CEP83: variants seen among roughly 807,000 people sequenced by gnomAD.
CEP83 encodes centrosomal protein 83.
In CEP83, 70 loss-of-function variants were observed where a neutral mutation model predicts 101.9. That is an observed-to-expected ratio of 0.69 (90% confidence interval 0.57 to 0.84). CEP83 has a LOEUF of 0.84. Among genes scored for constraint, CEP83 ranks in the 40% least tolerant of loss-of-function variants. The pLI, the probability that CEP83 is intolerant of heterozygous loss-of-function variation, is 0.00. For synonymous variants in CEP83, 264 were observed against 267.9 expected (o/e 0.99, Z 0.14); for missense variants, 715 against 787.2 (o/e 0.91, Z 1.10).
intron 2 of CEP83, among the ~76,000 whole-genome samples, chr12:94,426,087 A>G (rs541781534): frequency 2.1e-4 from 32 of 151,358 alleles, no homozygotes; most frequent in African/African-American, 7.3e-4. Context: ...ACACCACTGC[A>G]CTCCAGCCTG....
chr12:94,377,307 C>A lies in CEP83; in HGVS notation c.802-1290G>T, dbSNP rs117672206. Among the ~76,000 whole-genome samples the A allele has an allele frequency of 1.7e-3, 259 of 152,260 alleles. 1 individual carries two copies. The East Asian group carries it at 0.027, about 16-fold the overall frequency. ...GTTATTTACCCTCATGACCACATGA[C>A]TGACTGGGAACTGTGGCTCAGTGCA... On this transcript the variant is annotated intron_variant, in intron 7 of 16. Transcript: ENST00000397809.
chr12:94,339,401 T>A (rs1459731498), intron 11 of CEP83, among the ~76,000 whole-genome samples: 1 of 152,172 alleles, frequency 6.6e-6, no homozygotes, highest in Non-Finnish European at 1.5e-5. Context: ...TATTCTACAA[T>A]CTGTGCCTTC....
chr12:94,403,863 G>A (rs1216469810), intron 4 of CEP83, among the ~76,000 whole-genome samples: 2 of 143,256 alleles, frequency 1.4e-5, no homozygotes, highest in African/African-American at 5.2e-5. Context: ...GAATGAAGGA[G>A]GAACAAATAC....
At chr12:94,436,304 G>C (rs1011207353) in intron 1 of CEP83, among the ~76,000 whole-genome samples, 26 of 150,846 alleles carry the variant, frequency 1.7e-4, no homozygotes, top group Middle Eastern at 3.4e-3. Flanking sequence ...CTAGAGAAAA[G>C]TGAAAAACAA....
chr12:94,340,024 G>A (rs2059611621), intron 11 of CEP83, among the ~76,000 whole-genome samples: 1 of 152,084 alleles, frequency 6.6e-6, no homozygotes. Context: ...TAGAAAGGTG[G>A]ATATATTAAA....
At chr12:94,389,696 G>A (rs939575644) in intron 6 of CEP83, among the ~76,000 whole-genome samples, 10 of 152,172 alleles carry the variant, frequency 6.6e-5, no homozygotes, top group African/African-American at 9.7e-5. Flanking sequence ...GCAAGGGGTC[G>A]GGGTATTTCC....
chr12:94,454,217 C>T (rs78958215), intron 1 of CEP83, among the ~76,000 whole-genome samples: 8,699 of 152,252 alleles, frequency 0.057, 272 homozygotes, highest in Non-Finnish European at 0.071. Context: ...TCCACTCCAG[C>T]TCTGGCTGGC....
chr12:94,266,814 G>C, the CEP83 span, among the ~76,000 whole-genome samples: 1 of 152,254 alleles, frequency 6.6e-6, no homozygotes, highest in Non-Finnish European at 1.5e-5. Flanking sequence ...TGCCAGGCAT[G>C]TGAGTGCTAC....
intron 13 of CEP83, among the ~76,000 whole-genome samples, chr12:94,332,954 T>C (rs1273469498): frequency 6.7e-6 from 1 of 149,566 alleles, no homozygotes; most frequent in Non-Finnish European, 1.5e-5. Context: ...AACAAATTTT[T>C]CCAGAGGATA....
At chr12:94,279,223 A>G in the CEP83 span, among the ~76,000 whole-genome samples, 1 of 152,094 alleles carries the variant, frequency 6.6e-6, no homozygotes, top group Admixed American at 6.6e-5. Flanking sequence ...GTATATGTAT[A>G]TTTTACTCTC....
At chr12:94,457,779 G>A (rs936024081) in intron 1 of CEP83, among the ~76,000 whole-genome samples, 1 of 152,146 alleles carries the variant, frequency 6.6e-6, no homozygotes, top group Non-Finnish European at 1.5e-5. Context: ...TACTTGAAAG[G>A]TTATTGATTG....
intron 1 of CEP83, among the ~76,000 whole-genome samples, chr12:94,452,024 G>T (rs2067291022): frequency 6.6e-6 from 1 of 152,064 alleles, no homozygotes; most frequent in Admixed American, 6.5e-5. Context: ...CAATTAAAAA[G>T]AACAAAACAT....
chr12:94,443,978 T>A (rs561084168), intron 1 of CEP83, among the ~76,000 whole-genome samples: 96 of 152,344 alleles, frequency 6.3e-4, no homozygotes, highest in African/African-American at 2.2e-3. Context: ...TCCACAAAAT[T>A]TCTATGATGT....
chr12:94,456,212 C>T (rs1398167571), intron 1 of CEP83, among the ~76,000 whole-genome samples: 2 of 152,290 alleles, frequency 1.3e-5, no homozygotes, highest in East Asian at 1.9e-4. Context: ...AAGAATAGTG[C>T]CAGCATTCCT....
intron 14 of CEP83, among the ~76,000 whole-genome samples, chr12:94,329,155 T>C (rs1283289528): frequency 1.3e-5 from 2 of 152,218 alleles, no homozygotes; most frequent in Non-Finnish European, 2.9e-5. Context: ...GTAAAATGAC[T>C]ATCTACTATC....
the CEP83 span, chr12:94,279,852 CG>C: frequency 1.4e-6 from 1 of 695,368 alleles, no homozygotes; most frequent in East Asian, 2.7e-5. Flanking sequence ...GAAGGAAGCA[CG>C]GTCCTTCAAA....
At chr12:94,408,519 T>C (rs2063686712) in intron 4 of CEP83, among the ~76,000 whole-genome samples, 1 of 152,212 alleles carries the variant, frequency 6.6e-6, no homozygotes, top group Non-Finnish European at 1.5e-5. Context: ...AAGGTTTTGC[T>C]AACATGGTAC....
chr12:94,365,211 C>A (rs1380919689), intron 11 of CEP83, among the ~76,000 whole-genome samples: 2 of 151,932 alleles, frequency 1.3e-5, no homozygotes, highest in African/African-American at 2.4e-5. Context: ...CAAGAACAAA[C>A]AATACATACA....
chr12:94,404,598 C>G (rs2063434234), intron 4 of CEP83, among the ~76,000 whole-genome samples: 1 of 152,076 alleles, frequency 6.6e-6, no homozygotes, highest in South Asian at 2.1e-4. Context: ...TGGCTGGAAA[C>G]AAAAGGAAAA....
Sources: gnomAD v4.1 joint callset for allele counts (sites outside exome capture counted in the v4.1 genomes callset) on GRCh38, gnomAD v4.1.1 for gene constraint, MANE v1.5 for transcripts, NCBI Gene and HGNC (gene_info 2026-07-23, HGNC 2026-07-21) for gene names.